Variants in ARHGAP33 observed in about 807,000 individuals in gnomAD.
ARHGAP33 encodes rho GTPase-activating protein 33.
ARHGAP33 carries 57 observed loss-of-function variants against 126.2 expected under a neutral mutation model. The ratio of observed to expected loss-of-function variants is 0.45; its 90% CI spans 0.36 to 0.56. ARHGAP33 has a LOEUF of 0.56. ARHGAP33 is among the 20% of genes least tolerant of loss of function. The pLI is 0.00. For synonymous variants in ARHGAP33, 711 were observed against 755.0 expected (o/e 0.94, Z 0.95); for missense variants, 1,500 against 1,748.3 (o/e 0.86, Z 2.53).
chr19:35,782,693 G>T lies in ARHGAP33; in HGVS notation c.1313+14G>T. On this transcript the variant is annotated intron_variant, in intron 14 of 20. Coordinates refer to ENST00000007510, the MANE Select transcript of ARHGAP33 (RefSeq NM_001366178.1). This position sits in a 1 kb window ranked among gnomAD's most constrained non-coding sequence, Gnocchi z 4.1. ...ACCACATTACAGGTAAACCAGGAGG[G>T]GCAGGGCGGGACTTGGTGGGATTCC... The T allele has an allele frequency of 1.2e-6, 2 of 1,611,416 alleles. No homozygotes were observed. Among genetic ancestry groups the T allele is most frequent in the Non-Finnish European group, 1.7e-6 (2 of 1,178,866 alleles).
chr19:35,779,426 G>C (rs1168794618), intron 6 of ARHGAP33, among the ~76,000 whole-genome samples: 10 of 152,094 alleles, frequency 6.6e-5, no homozygotes, highest in Admixed American at 6.5e-4. Flanking sequence ...GCTTAAACCA[G>C]AGGGGTTTTT....
rs1475747599 is a variant in ARHGAP33, at chr19:35,786,372, C to A, written c.1943-41C>A. The A allele has an allele frequency of 6.7e-7, 1 of 1,498,758 alleles. No homozygotes were observed. The highest frequency in any genetic ancestry group is 1.3e-5 in the South Asian group (1 of 77,170). 92.8% of individuals were successfully genotyped at this position (1,498,758 alleles called of 1,614,324 possible). ...CCCCAGCTTTCTGTGGGGCTGTGCG[C>A]CCTGTTCTCAGGGATGGTCTCACTG... On this transcript the variant is annotated intron_variant, in intron 19 of 20. Coordinates refer to ENST00000007510, the MANE Select transcript of ARHGAP33 (RefSeq NM_001366178.1). The surrounding 1 kb of genome is among the most constrained non-coding windows in gnomAD (Gnocchi z 7.0).
At chr19:35,785,641 C>CA (rs148417617) in intron 19 of ARHGAP33, 158 bp downstream of exon 19, 58,951 of 1,448,294 alleles carry the variant, frequency 0.041, 1,564 homozygotes, top group East Asian at 0.1. Flanking sequence ...GAGTTGGATA[C>CA]AGTATCACCT....
chr19:35,782,793 C>A lies in ARHGAP33; in HGVS notation c.1345C>A (p.Arg449Ser). Residue 449 changes from arginine to serine, a missense_variant, in exon 15 of 21, where the codon CGC becomes AGC. By Grantham distance (110) the Arg-to-Ser change is moderately radical. This residue lies in a region of ARHGAP33 where 281 missense variants were observed against 413.7 expected (regional missense o/e 0.68). Coordinates refer to ENST00000007510, the MANE Select transcript of ARHGAP33 (RefSeq NM_001366178.1). This position sits in a 1 kb window ranked among gnomAD's most constrained non-coding sequence, Gnocchi z 4.1. Reference sequence around the variant, plus strand: ...GGAGTACCTGCTGAGGCACCTGGCCCGCATGGCGAGACACAGTGCCAACAC... The same window carrying A: ...GGAGTACCTGCTGAGGCACCTGGCCAGCATGGCGAGACACAGTGCCAACAC... ...TLEYLLRHLA[R>S]MARHSANTSM... 1 of 1,613,736 alleles carries A rather than the reference C, an allele frequency of 6.2e-7. No individual in the cohort carries two copies. The highest frequency in any genetic ancestry group is 8.5e-7 in the Non-Finnish European group (1 of 1,179,814).
Position 35,786,793 on chromosome 19 carries a change from ACCCCCCAGG to A in ARHGAP33, c.2326_2334del (p.Pro776_Ala778del). 1 of 1,444,464 alleles carries A rather than the reference ACCCCCCAGG, an allele frequency of 6.9e-7. No homozygotes were observed. The highest frequency in any genetic ancestry group is 9.1e-7 in the Non-Finnish European group (1 of 1,095,734). 89.5% of individuals were successfully genotyped at this position (1,444,464 alleles called of 1,614,324 possible). On this transcript the variant is annotated inframe_deletion, in exon 20 of 21. Coordinates refer to ENST00000007510, the MANE Select transcript of ARHGAP33 (RefSeq NM_001366178.1). The surrounding 1 kb of genome is among the most constrained non-coding windows in gnomAD (Gnocchi z 7.0). ...TGCCTCTGCCTTCCCACCCAGGGTG[ACCCCCCAGG>A]CCATCTCGCCCCGGGGGCCCACCAG...
Position 35,781,084 on chromosome 19 carries a change from G to GGGGGCCCCC in ARHGAP33, c.982+12_982+13insGGGGCCCCC. ...CTCAGGCCAGGATGGTGAGGCCGGG[G>GGGGGCCCCC]CCCACCCACCCCACCCGTCACACCA... On this transcript the variant is annotated intron_variant, in intron 11 of 20. Coordinates refer to ENST00000007510, the MANE Select transcript of ARHGAP33 (RefSeq NM_001366178.1). 3 of 1,607,594 alleles carry GGGGGCCCCC rather than the reference G, an allele frequency of 1.9e-6. No individual in the cohort carries two copies. Among genetic ancestry groups the GGGGGCCCCC allele is most frequent in the Non-Finnish European group, 2.5e-6 (3 of 1,176,514 alleles).
rs1972099544 is a variant in ARHGAP33 at position 35,786,138 on chromosome 19, C to T, written c.1943-275C>T. 7.4e-7 allele frequency: 1 copy of T among 1,343,450 alleles called. No homozygotes were observed. The highest frequency in any genetic ancestry group is 2.9e-5 in the East Asian group (1 of 34,822). The allele number at this position is 1,343,450 out of a possible 1,614,324, so 83.2% of individuals were successfully genotyped here. A position where few individuals can be genotyped will look rare whatever the true frequency, so the allele number is the denominator to read the frequency against. ...ACACTCCTGGGGTACTGCCCTCCCACATACCCAGGAGCCCAGGTGCTGTCC... is the reference window on the plus strand; with the variant it reads ...ACACTCCTGGGGTACTGCCCTCCCATATACCCAGGAGCCCAGGTGCTGTCC... On this transcript the variant is annotated intron_variant, in intron 19 of 20. Coordinates refer to ENST00000007510, the MANE Select transcript of ARHGAP33 (RefSeq NM_001366178.1). The surrounding 1 kb of genome is among the most constrained non-coding windows in gnomAD (Gnocchi z 7.0).
intron 16 of ARHGAP33, chr19:35,784,724 C>G: frequency 7.4e-7 from 1 of 1,350,190 alleles, no homozygotes; most frequent in Non-Finnish European, 9.4e-7. Flanking sequence ...AAGCCAGAGC[C>G]GCTGCCCTCG....
rs781491681 is a variant in ARHGAP33, at chr19:35,786,655, C to T, written c.2185C>T (p.Pro729Ser). ...DDGDELDFSP[P>S]RCLEGLRGLD... is the part of the protein sequence containing the mutation. ...TGGTGATGAGCTGGACTTCAGCCCA[C>T]CCCGCTGCCTGGAGGGACTCCGGGG... is the stretch of plus-strand genomic sequence containing the variant. Residue 729 changes from proline (P) to serine (S), a missense_variant, in exon 20 of 21, where the codon CCC becomes TCC. Coordinates refer to ENST00000007510, the MANE Select transcript of ARHGAP33 (RefSeq NM_001366178.1). The surrounding 1 kb of genome is among the most constrained non-coding windows in gnomAD (Gnocchi z 7.0). The T allele has an allele frequency of 5.2e-6, 8 of 1,535,708 alleles. No individual in the cohort carries two copies. The South Asian group carries it at 8.3e-5, about 16-fold the overall frequency.
chr19:35,777,475 G>A, intron 1 of ARHGAP33, 170 bp from the exon 2 acceptor site: 2 of 624,612 alleles, frequency 3.2e-6, no homozygotes, highest in Non-Finnish European at 5.7e-6. Context: ...ACACGAAGAA[G>A]CAGTCCTGTC....
intron 3 of ARHGAP33, 24 bp downstream of exon 3, chr19:35,777,932 C>G (rs1568422283): frequency 6.2e-7 from 1 of 1,611,348 alleles, no homozygotes; most frequent in Non-Finnish European, 8.5e-7. Context: ...GCATTTGCAC[C>G]CAGGAGGGAA....
In ARHGAP33 at chr19:35,786,615, A is replaced by T; in HGVS notation, c.2145A>T (p.Ser715=). 3.4e-5 allele frequency: 52 copies of T among 1,535,672 alleles called. No homozygotes were observed. The highest frequency in any genetic ancestry group is 4.4e-5 in the Non-Finnish European group (51 of 1,146,744). Residue 715 remains serine, a synonymous_variant, in exon 20 of 21, where the codon TCA becomes TCT. Transcript: ENST00000007510. This position sits in a 1 kb window ranked among gnomAD's most constrained non-coding sequence, Gnocchi z 7.0. ...ALSGSPSHRT[S]AWLDDGDELD... is the part of the protein sequence containing the mutation. ...CTGGGTCTCCCTCACACCGTACCTC[A>T]GCCTGGCTAGATGATGGTGATGAGC...
intron 19 of ARHGAP33, 174 bp downstream of exon 19, chr19:35,785,657 TCATCACACAC>T: frequency 1.4e-6 from 2 of 1,437,554 alleles, no homozygotes; most frequent in Middle Eastern, 2.6e-4. Context: ...CACCTTTGGT[TCATCACACAC>T]TGAACTTAAC....
In ARHGAP33 at chr19:35,782,765, C is replaced by G. The variant is rs768521345; in HGVS notation, c.1317C>G (p.Thr439=). Residue 439 remains threonine, a synonymous_variant, in exon 15 of 21, where the codon ACC becomes ACG. Coordinates refer to ENST00000007510, the MANE Select transcript of ARHGAP33 (RefSeq NM_001366178.1). The surrounding 1 kb of genome is among the most constrained non-coding windows in gnomAD (Gnocchi z 4.1). ...CCCCCTCTGCTCCCACCCCCAGGAC[C>G]CTGGAGTACCTGCTGAGGCACCTGG... is the stretch of plus-strand genomic sequence containing the variant. ...IQQLPPPHYR[T]LEYLLRHLAR... 1 of 1,613,156 alleles carries G rather than the reference C, an allele frequency of 6.2e-7. No homozygotes were observed. The highest frequency in any genetic ancestry group is 8.5e-7 in the Non-Finnish European group (1 of 1,179,416).
chr19:35,784,652 C>G, intron 16 of ARHGAP33: 1 of 1,236,914 alleles, frequency 8.1e-7, no homozygotes, highest in Non-Finnish European at 1.0e-6. Flanking sequence ...CCCCGCCCTG[C>G]CCCGGACCCC....
In ARHGAP33 at chr19:35,787,616, C is replaced by T. The variant is rs140899531; in HGVS notation, c.3051C>T (p.Ala1017=). 2.5e-6 allele frequency: 4 copies of T among 1,602,962 alleles called. No individual in the cohort carries two copies. The African/African-American group carries it at 5.4e-5, about 22-fold the overall frequency. The change falls in exon 21 of 21, where the codon GCC becomes GCT. Residue 1017 remains alanine (A), a synonymous_variant. Transcript: ENST00000007510. ...GCAGGGATGCGCCAGAGGCAGCAGC[C>T]CAGTCCCCATGTTCTGTCCCCTCAC... The part of the protein sequence containing the change: ...GGGRDAPEAA[A]QSPCSVPSQV...
chr19:35,783,366 T>C (rs1283444104), intron 15 of ARHGAP33, among the ~76,000 whole-genome samples: 2 of 152,138 alleles, frequency 1.3e-5, no homozygotes, highest in African/African-American at 4.8e-5. Flanking sequence ...GCGTAAGATG[T>C]ACGGAGAAAA....
intron 1 of ARHGAP33, 105 bp downstream of exon 1, chr19:35,775,769 C>T: frequency 8.1e-7 from 1 of 1,227,248 alleles, no homozygotes; most frequent in African/African-American, 1.6e-5. Flanking sequence ...ATCCCGCGGC[C>T]TGTGCTTCAG....
In ARHGAP33 at chr19:35,786,554, C is replaced by A. The variant is rs1972120475; in HGVS notation, c.2084C>A (p.Ser695Tyr). ...ESSSSESSSSSSESSAAGLGA... is the reference protein window; with the variant it reads ...ESSSSESSSSYSESSAAGLGA... ...TCCTCCTCTGAGTCCTCCTCTTCCT[C>A]CTCTGAGTCCTCAGCAGCTGGGCTG... The change falls in exon 20 of 21, where the codon TCC becomes TAC. Residue 695 changes from serine to tyrosine, a missense_variant. Ser to Tyr is a moderately radical substitution (Grantham distance 144). Coordinates refer to ENST00000007510, the MANE Select transcript of ARHGAP33 (RefSeq NM_001366178.1). This position sits in a 1 kb window ranked among gnomAD's most constrained non-coding sequence, Gnocchi z 7.0. The A allele has an allele frequency of 3.9e-6, 6 of 1,536,028 alleles. No homozygotes were observed. Among genetic ancestry groups the A allele is most frequent in the African/African-American group, 1.4e-5 (1 of 73,008 alleles).
Sources: gnomAD v4.1 joint callset for allele counts (sites outside exome capture counted in the v4.1 genomes callset) on GRCh38, gnomAD v4.1.1 for gene constraint, gnomAD v4.1.1 regional missense constraint, Gnocchi (gnomAD v3.1) non-coding constraint, MANE v1.5 for transcripts, NCBI Gene and HGNC (gene_info 2026-07-23, HGNC 2026-07-21) for gene names.